Variants in PPP1R21 observed in about 807,000 individuals in gnomAD.
PPP1R21 encodes protein phosphatase 1 regulatory subunit 21.
In PPP1R21, 85 loss-of-function variants were observed where a neutral mutation model predicts 112.8. That is an observed-to-expected ratio of 0.75 (90% CI 0.63 to 0.90). PPP1R21 has a LOEUF of 0.90. Ranked by LOEUF, PPP1R21 falls within the 40% of genes least tolerant of loss-of-function variation. The probability of loss-of-function intolerance (pLI) is 0.00; values close to 1 mark genes in which losing one functional copy is unlikely to be tolerated. For synonymous variants in PPP1R21, 381 were observed against 322.3 expected, an observed-to-expected ratio of 1.18 and a Z score of -1.95; for missense variants, 1,199 against 901.5, an observed-to-expected ratio of 1.33 and a Z score of -4.23.
In PPP1R21 at chr2:48,483,153, A is replaced by G. The variant is rs938539994; in HGVS notation, c.1318+3137A>G. ...ATGGCTGCATAGTGTTCTATGACGT[A>G]TACGTACTACATTTTCTATAAAATA... On this transcript the variant is annotated intron_variant, in intron 13 of 21. Transcript: ENST00000294952. 3.5e-4 allele frequency among the ~76,000 whole-genome samples: 52 copies of G among 146,596 alleles called. 1 individual carries two copies. Among genetic ancestry groups the G allele is most frequent in the African/African-American group, 1.3e-3 (50 of 39,604 alleles).
At chr2:48,456,181 A>T (rs892328619) in intron 3 of PPP1R21, among the ~76,000 whole-genome samples, 5 of 151,080 alleles carry the variant, frequency 3.3e-5, no homozygotes, top group African/African-American at 1.2e-4. Flanking sequence ...TTATATGGTG[A>T]GGTGGGATTC....
At chr2:48,500,851 G>T (rs1670079239) in intron 17 of PPP1R21, among the ~76,000 whole-genome samples, 1 of 152,158 alleles carries the variant, frequency 6.6e-6, no homozygotes, top group Non-Finnish European at 1.5e-5. Context: ...GGAGGTCGCA[G>T]TGAGCTGAGA....
At chr2:48,508,110 G>A (rs1474716893) in intron 19 of PPP1R21, among the ~76,000 whole-genome samples, 1 of 151,708 alleles carries the variant, frequency 6.6e-6, no homozygotes, top group Non-Finnish European at 1.5e-5. Context: ...GCACTATGCA[G>A]TATCATCTAT....
At position 48,459,793 on chromosome 2, in the gene PPP1R21, G is replaced by C; in HGVS notation, c.415G>C (p.Glu139Gln). 2 of 1,614,014 alleles carry C rather than the reference G, an allele frequency of 1.2e-6. No individual in the cohort carries two copies. Among genetic ancestry groups the C allele is most frequent in the Non-Finnish European group, 1.7e-6 (2 of 1,180,042 alleles). ...ADEQHKHVEA[E>Q]LRSRLATLET... ...TGAGCAGCACAAGCATGTGGAAGCA[G>C]AGCTGAGGAGTCGACTGGCCACTCT... Residue 139 changes from glutamate (E) to glutamine (Q), a missense_variant, in exon 5 of 22, where the codon GAG becomes CAG. Coordinates refer to ENST00000294952, the MANE Select transcript of PPP1R21 (RefSeq NM_001135629.3).
intron 13 of PPP1R21, among the ~76,000 whole-genome samples, chr2:48,482,522 A>G (rs1669062908): frequency 6.6e-6 from 1 of 152,184 alleles, no homozygotes; most frequent in African/African-American, 2.4e-5. Flanking sequence ...TTTGAAGGAA[A>G]CTTATTGTGA....
At chr2:48,499,511 CCAGGACTTTGAGACCAGCTGGGCAG>C (rs1558512862) in intron 17 of PPP1R21, among the ~76,000 whole-genome samples, 1 of 152,126 alleles carries the variant, frequency 6.6e-6, no homozygotes, top group Admixed American at 6.5e-5. Flanking sequence ...TCACTTGAAC[CCAGGACTTTGAGACCAGCTGGGCAG>C]CATAGTGAGA....
At chr2:48,476,778 A>G (rs920269382) in intron 12 of PPP1R21, among the ~76,000 whole-genome samples, 1 of 151,888 alleles carries the variant, frequency 6.6e-6, no homozygotes, top group Admixed American at 6.6e-5. Flanking sequence ...TCTTTTCTCC[A>G]TTTTTCAGTT....
chr2:48,487,459 T>C (rs1296014339), intron 14 of PPP1R21, among the ~76,000 whole-genome samples: 1 of 152,120 alleles, frequency 6.6e-6, no homozygotes, highest in Non-Finnish European at 1.5e-5. Context: ...TAAAGTGCAG[T>C]TTCTTTAAGA....
intron 17 of PPP1R21, among the ~76,000 whole-genome samples, chr2:48,499,327 G>A (rs1227902770): frequency 6.6e-6 from 1 of 152,172 alleles, no homozygotes; most frequent in East Asian, 1.9e-4. Context: ...AAAAGATATA[G>A]TAAGTTAAAT....
intron 11 of PPP1R21, among the ~76,000 whole-genome samples, chr2:48,474,461 C>T (rs1444276120): frequency 6.6e-6 from 1 of 152,194 alleles, no homozygotes; most frequent in Non-Finnish European, 1.5e-5. Flanking sequence ...GGACATATGC[C>T]TTTATCTGTT....
chr2:48,500,007 C>G (rs529107698), intron 17 of PPP1R21, among the ~76,000 whole-genome samples: 6 of 152,166 alleles, frequency 3.9e-5, no homozygotes, highest in African/African-American at 1.4e-4. Flanking sequence ...AGACCCTGTC[C>G]TAAGGTGTGT....
At chr2:48,511,072 TG>T (rs923892428) in intron 20 of PPP1R21, among the ~76,000 whole-genome samples, 1 of 152,098 alleles carries the variant, frequency 6.6e-6, no homozygotes, top group Non-Finnish European at 1.5e-5. Flanking sequence ...TGTACATGTT[TG>T]GGGGGGACAT....
chr2:48,488,814 C>T (rs537981207), intron 14 of PPP1R21, among the ~76,000 whole-genome samples: 4 of 152,214 alleles, frequency 2.6e-5, no homozygotes, highest in African/African-American at 9.6e-5. Context: ...CCTAATTTTA[C>T]AGTTTGTAAT....
chr2:48,506,412 A>G (rs1183141757), intron 18 of PPP1R21, among the ~76,000 whole-genome samples: 1 of 152,128 alleles, frequency 6.6e-6, no homozygotes, highest in East Asian at 1.9e-4. Context: ...ATGTAACTTT[A>G]TAAATAAATA....
intron 9 of PPP1R21, among the ~76,000 whole-genome samples, chr2:48,467,299 C>T (rs1668250912): frequency 6.6e-6 from 1 of 152,112 alleles, no homozygotes; most frequent in African/African-American, 2.4e-5. Flanking sequence ...TTCTAAAAAA[C>T]AATTTAAGGT....
intron 1 of PPP1R21, among the ~76,000 whole-genome samples, chr2:48,442,988 C>T (rs1667099432): frequency 6.6e-6 from 1 of 152,082 alleles, no homozygotes; most frequent in Admixed American, 6.5e-5. Context: ...GGGAAAAAAG[C>T]AGGGAGTAGA....
intron 21 of PPP1R21, among the ~76,000 whole-genome samples, chr2:48,511,908 C>G (rs1045054552): frequency 6.6e-6 from 1 of 151,872 alleles, no homozygotes; most frequent in African/African-American, 2.4e-5. Flanking sequence ...AATAATTTTC[C>G]TTAATATCAT....
At chr2:48,498,137 C>G (rs1669933879) in intron 16 of PPP1R21, among the ~76,000 whole-genome samples, 1 of 151,614 alleles carries the variant, frequency 6.6e-6, no homozygotes. Context: ...GCCTTCTTCT[C>G]TGTTGAGTTG....
intron 13 of PPP1R21, 137 bp downstream of exon 13, chr2:48,480,153 G>T: frequency 1.5e-6 from 1 of 668,478 alleles, no homozygotes; most frequent in Non-Finnish European, 2.7e-6. Context: ...TATGTTGAGT[G>T]CACAGCTCAC....
Sources: gnomAD v4.1 joint callset for allele counts (sites outside exome capture counted in the v4.1 genomes callset) on GRCh38, gnomAD v4.1.1 for gene constraint, MANE v1.5 for transcripts, NCBI Gene and HGNC (gene_info 2026-07-23, HGNC 2026-07-21) for gene names.